Variants in CTNNA3 observed in about 807,000 individuals in gnomAD.
The protein encoded by CTNNA3 is catenin alpha 3.
A neutral mutation model predicts 95.7 loss-of-function variants in CTNNA3; 76 were observed. The observed-to-expected ratio is 0.79, with a 90% CI of 0.66 to 0.96. The LOEUF is 0.96. Among genes scored for constraint, CTNNA3 ranks in the 40% least tolerant of loss-of-function variants. The pLI is 0.00. For synonymous variants in CTNNA3, 431 were observed against 374.4 expected (o/e 1.15, Z -1.74); for missense variants, 1,191 against 1,089.8 (o/e 1.09, Z -1.31).
intron 1 of CTNNA3, among the ~76,000 whole-genome samples, chr10:67,759,521 T>G (rs1361576547): frequency 6.6e-6 from 1 of 152,180 alleles, no homozygotes; most frequent in African/African-American, 2.4e-5. Flanking sequence ...AGAACAAGGA[T>G]TTGGGGTCTG....
At chr10:67,750,769 A>T in intron 1 of CTNNA3, 1 of 1,604,624 alleles carries the variant, frequency 6.2e-7, no homozygotes, top group Non-Finnish European at 8.5e-7. Flanking sequence ...CTCCAATTTC[A>T]ACCACTTCCA....
intron 5 of CTNNA3, among the ~76,000 whole-genome samples, chr10:67,358,445 A>C (rs1198156589): frequency 6.6e-6 from 1 of 152,168 alleles, no homozygotes; most frequent in East Asian, 1.9e-4. Context: ...GAGAGAAAAC[A>C]TTAAAAGTTG....
chr10:66,990,001 T>C (rs1056343542), intron 7 of CTNNA3, among the ~76,000 whole-genome samples: 17 of 152,178 alleles, frequency 1.1e-4, no homozygotes, highest in African/African-American at 3.6e-4. Context: ...TTCAGGCACA[T>C]ATATATTATA....
At chr10:67,242,006 C>A (rs796505464) in intron 5 of CTNNA3, among the ~76,000 whole-genome samples, 12 of 152,334 alleles carry the variant, frequency 7.9e-5, no homozygotes, top group African/African-American at 2.9e-4. Flanking sequence ...TATTTGTTGT[C>A]AGTAGCTCCC....
intron 7 of CTNNA3, among the ~76,000 whole-genome samples, chr10:66,980,565 TACCCA>T (rs1850370014): frequency 6.6e-6 from 1 of 152,090 alleles, no homozygotes; most frequent in Non-Finnish European, 1.5e-5. Context: ...GAGACCTTCC[TACCCA>T]CCTGTGATTA....
chr10:66,278,731 C>T (rs1243852864), intron 13 of CTNNA3, among the ~76,000 whole-genome samples: 1 of 152,008 alleles, frequency 6.6e-6, no homozygotes, highest in East Asian at 1.9e-4. Flanking sequence ...CCCTGGTTCC[C>T]CTGTGCTATC....
chr10:66,337,338 G>A (rs1028485932), intron 12 of CTNNA3, among the ~76,000 whole-genome samples: 1 of 151,988 alleles, frequency 6.6e-6, no homozygotes, highest in Non-Finnish European at 1.5e-5. Flanking sequence ...CATCTCAAAC[G>A]GATAAGTACA....
At chr10:66,787,186 G>T (rs1234178567) in intron 7 of CTNNA3, among the ~76,000 whole-genome samples, 1 of 152,058 alleles carries the variant, frequency 6.6e-6, no homozygotes, top group Non-Finnish European at 1.5e-5. Flanking sequence ...AAATCACACA[G>T]TTTCTGTGGG....
chr10:67,683,456 T>C (rs1037518018), intron 1 of CTNNA3, among the ~76,000 whole-genome samples: 6 of 152,358 alleles, frequency 3.9e-5, no homozygotes, highest in African/African-American at 1.4e-4. Flanking sequence ...GTAGACCCAG[T>C]GTAGCCCTTC....
At chr10:66,874,615 G>A (rs1344089) in intron 7 of CTNNA3, among the ~76,000 whole-genome samples, 65,253 of 151,894 alleles carry the variant, frequency 0.43, 14,310 homozygotes, top group Non-Finnish European at 0.46. Flanking sequence ...ATATAACTTC[G>A]TTTCAATTTC....
At chr10:67,421,498 G>C (rs1431065262) in intron 5 of CTNNA3, among the ~76,000 whole-genome samples, 10 of 152,122 alleles carry the variant, frequency 6.6e-5, no homozygotes, top group African/African-American at 2.4e-5. Context: ...ATCAGCTTCA[G>C]AAGACTACCC....
At chr10:66,958,587 C>G (rs1848957557) in intron 7 of CTNNA3, among the ~76,000 whole-genome samples, 2 of 152,056 alleles carry the variant, frequency 1.3e-5, no homozygotes, top group African/African-American at 4.8e-5. Context: ...TAAGCGAATC[C>G]TGCCATTTTA....
At chr10:66,701,585 C>T (rs1209368292) in intron 9 of CTNNA3, among the ~76,000 whole-genome samples, 1 of 152,096 alleles carries the variant, frequency 6.6e-6, no homozygotes, top group African/African-American at 2.4e-5. Context: ...TTTTTATAGA[C>T]ATATTTCATA....
intron 10 of CTNNA3, among the ~76,000 whole-genome samples, chr10:66,532,296 A>G (rs752741411): frequency 1.3e-5 from 2 of 152,070 alleles, no homozygotes; most frequent in Non-Finnish European, 2.9e-5. Flanking sequence ...CCCCGTCTCT[A>G]CTAAAAATAC....
At chr10:67,053,367 A>AT (rs1441014742) in intron 7 of CTNNA3, among the ~76,000 whole-genome samples, 1 of 152,174 alleles carries the variant, frequency 6.6e-6, no homozygotes, top group African/African-American at 2.4e-5. Context: ...AGAAGTTGGA[A>AT]TTTTTTTAAG....
chr10:67,615,376 A>C (rs1310470505), intron 2 of CTNNA3, among the ~76,000 whole-genome samples: 1 of 152,252 alleles, frequency 6.6e-6, no homozygotes, highest in African/African-American at 2.4e-5. Context: ...TAAATATCCT[A>C]ATCCAAGAAG....
intron 13 of CTNNA3, among the ~76,000 whole-genome samples, chr10:66,272,961 C>T (rs925678235): frequency 3.3e-5 from 5 of 152,172 alleles, no homozygotes; most frequent in African/African-American, 1.2e-4. Context: ...TAACTAAGCA[C>T]TTATCATACC....
intron 7 of CTNNA3, among the ~76,000 whole-genome samples, chr10:67,170,749 C>T (rs1254922900): frequency 6.6e-6 from 1 of 152,110 alleles, no homozygotes; most frequent in African/African-American, 2.4e-5. Flanking sequence ...TAAACCTTCA[C>T]ATGTACCCCT....
intron 11 of CTNNA3, among the ~76,000 whole-genome samples, chr10:66,416,367 AAG>A (rs1428483473): frequency 6.6e-6 from 1 of 151,988 alleles, no homozygotes; most frequent in East Asian, 1.9e-4. Context: ...CAAAGAGAGA[AAG>A]AGTTTAAAAA....
Sources: allele counts gnomAD v4.1 joint callset (sites outside exome capture counted in the v4.1 genomes callset), GRCh38; gene constraint gnomAD v4.1.1; transcripts MANE v1.5; gene names NCBI Gene and HGNC (gene_info 2026-07-23, HGNC 2026-07-21).